The following IL1RAPL1 variants were observed in gnomAD, a reference collection of about 807,000 sequenced individuals.
IL1RAPL1 encodes the protein interleukin 1 receptor accessory protein like 1, also known as interleukin-1 receptor accessory protein-like 1.
A neutral mutation model predicts 48.4 loss-of-function variants in IL1RAPL1; 3 were observed. The ratio of observed to expected loss-of-function variants is 0.06; its 90% CI spans 0.03 to 0.16. The LOEUF (loss-of-function observed/expected upper bound fraction) is 0.16, where lower values mean the gene tolerates loss of function less well. IL1RAPL1 is among the 10% of genes least tolerant of loss of function. The pLI, the probability that IL1RAPL1 is intolerant of heterozygous loss-of-function variation, is 1.00. For missense variants in IL1RAPL1, 349 were observed against 530.6 expected, an observed-to-expected ratio of 0.66 and a Z score of 3.36; for synonymous variants, 185 against 187.7, an observed-to-expected ratio of 0.99 and a Z score of 0.12.
chrX:29,705,849 G>A (rs921245609), intron 6 of IL1RAPL1, among the ~76,000 whole-genome samples: 7 of 112,479 alleles, frequency 6.2e-5, no homozygotes, highest in Non-Finnish European at 1.9e-5. Context: ...ATTTCTTTGG[G>A]TTCTTGTTAA....
At chrX:29,764,748 G>T (rs1444359074) in intron 6 of IL1RAPL1, among the ~76,000 whole-genome samples, 8 of 112,202 alleles carry the variant, frequency 7.1e-5, no homozygotes, top group African/African-American at 2.6e-4. Context: ...TGTCTTGGCA[G>T]GTAGGCCCCT....
At chrX:29,618,090 G>A (rs1210567531) in intron 5 of IL1RAPL1, among the ~76,000 whole-genome samples, 1 of 111,699 alleles carries the variant, frequency 9.0e-6, no homozygotes, top group Non-Finnish European at 1.9e-5. Flanking sequence ...TACTGTGAAA[G>A]CATTATCTAA....
chrX:28,835,854 A>G (rs1421750360), intron 2 of IL1RAPL1, among the ~76,000 whole-genome samples: 1 of 110,953 alleles, frequency 9.0e-6, no homozygotes, highest in Non-Finnish European at 1.9e-5. Flanking sequence ...ACAAATATAC[A>G]CTGTAATGCC....
intron 3 of IL1RAPL1, among the ~76,000 whole-genome samples, chrX:29,328,890 C>T (rs1020665760): frequency 9.1e-6 from 1 of 110,379 alleles, no homozygotes; most frequent in African/African-American, 3.3e-5. Context: ...ATTTAGATCA[C>T]GGTAGTATGA....
At chrX:28,951,499 A>G (rs1924465751) in intron 2 of IL1RAPL1, among the ~76,000 whole-genome samples, 1 of 109,158 alleles carries the variant, frequency 9.2e-6, no homozygotes, top group Non-Finnish European at 1.9e-5. Context: ...TTTTATTTTT[A>G]TAGAATATCA....
At chrX:29,818,528 A>C (rs1018342128) in intron 6 of IL1RAPL1, among the ~76,000 whole-genome samples, 4 of 112,253 alleles carry the variant, frequency 3.6e-5, no homozygotes, top group Non-Finnish European at 5.6e-5. Flanking sequence ...GGAAAAATTT[A>C]TCAGGCTGCA....
intron 1 of IL1RAPL1, among the ~76,000 whole-genome samples, chrX:28,679,352 T>C (rs1409143130): frequency 8.9e-6 from 1 of 112,183 alleles, no homozygotes; most frequent in Admixed American, 9.5e-5. Context: ...TTTTGGATAT[T>C]AACCACTTAT....
intron 2 of IL1RAPL1, among the ~76,000 whole-genome samples, chrX:28,854,180 CT>C (rs1921744540): frequency 9.0e-6 from 1 of 111,486 alleles, no homozygotes; most frequent in Non-Finnish European, 1.9e-5. Flanking sequence ...TGGATGTATA[CT>C]TTAGTAAGAT....
chrX:29,471,336 A>G (rs976646617), intron 5 of IL1RAPL1, among the ~76,000 whole-genome samples: 2 of 111,695 alleles, frequency 1.8e-5, no homozygotes, highest in Non-Finnish European at 3.8e-5. Context: ...GAAAAAGTCA[A>G]TTAGGCATTT....
chrX:29,187,459 T>A (rs1197356314), intron 2 of IL1RAPL1, among the ~76,000 whole-genome samples: 2 of 110,967 alleles, frequency 1.8e-5, no homozygotes, highest in Non-Finnish European at 3.8e-5. Flanking sequence ...GGGTGTGGCA[T>A]GAAAAAGGTC....
chrX:29,128,780 T>C (rs1454159422), intron 2 of IL1RAPL1, among the ~76,000 whole-genome samples: 1 of 111,479 alleles, frequency 9.0e-6, no homozygotes, highest in African/African-American at 3.3e-5. Flanking sequence ...GATGGATGGA[T>C]AGAAAAAATT....
chrX:28,752,825 A>C (rs777642437), intron 1 of IL1RAPL1, among the ~76,000 whole-genome samples: 1 of 65,737 alleles, frequency 1.5e-5, no homozygotes, highest in Admixed American at 1.7e-4. Flanking sequence ...TTTTCATTCC[A>C]ATTTCAGGCA....
At chrX:29,848,195 T>A (rs977204349) in intron 6 of IL1RAPL1, among the ~76,000 whole-genome samples, 26 of 111,645 alleles carry the variant, frequency 2.3e-4, no homozygotes, top group Non-Finnish European at 4.5e-4. Context: ...AGAACATTTG[T>A]TATCACAATC....
At chrX:29,336,580 T>C (rs1933000407) in intron 3 of IL1RAPL1, among the ~76,000 whole-genome samples, 1 of 110,228 alleles carries the variant, frequency 9.1e-6, no homozygotes, top group Non-Finnish European at 1.9e-5. Flanking sequence ...GATAAAAGCA[T>C]AACAGAATTA....
chrX:29,417,439 A>C (rs1454785630), intron 5 of IL1RAPL1, among the ~76,000 whole-genome samples: 1 of 111,954 alleles, frequency 8.9e-6, no homozygotes, highest in Admixed American at 9.5e-5. Context: ...GTAAATGGGC[A>C]GTTCAATATG....
intron 4 of IL1RAPL1, among the ~76,000 whole-genome samples, chrX:29,397,711 A>G (rs1933935874): frequency 9.0e-6 from 1 of 111,473 alleles, no homozygotes; most frequent in South Asian, 3.8e-4. Flanking sequence ...GATTGCTTCA[A>G]GGGGGAGTGG....
chrX:29,132,025 AATT>A (rs1174496062), intron 2 of IL1RAPL1, among the ~76,000 whole-genome samples: 1 of 111,515 alleles, frequency 9.0e-6, no homozygotes, highest in Non-Finnish European at 1.9e-5. Flanking sequence ...TTTGGGGGTA[AATT>A]TAAGAAAATA....
At chrX:29,625,994 A>G (rs1012881802) in intron 5 of IL1RAPL1, among the ~76,000 whole-genome samples, 14 of 112,013 alleles carry the variant, frequency 1.2e-4, no homozygotes, top group Non-Finnish European at 2.1e-4. Flanking sequence ...CTCCCGTCTT[A>G]AATTTATTAT....
intron 6 of IL1RAPL1, among the ~76,000 whole-genome samples, chrX:29,812,364 T>C (rs1278713345): frequency 8.9e-6 from 1 of 112,205 alleles, no homozygotes; most frequent in Non-Finnish European, 1.9e-5. Context: ...ACTTTTCTCA[T>C]CACATTTTTT....
Sources: gnomAD v4.1 joint callset for allele counts (sites outside exome capture counted in the v4.1 genomes callset) on GRCh38, gnomAD v4.1.1 for gene constraint, MANE v1.5 for transcripts, NCBI Gene and HGNC (gene_info 2026-07-23, HGNC 2026-07-21) for gene names.